The following ESS2 variants were observed in gnomAD, a reference collection of about 807,000 sequenced individuals.
ESS2 encodes splicing factor ESS-2 homolog.
ESS2 carries 31 observed loss-of-function variants against 52.0 expected under a neutral mutation model. The ratio of observed to expected loss-of-function variants is 0.60; its 90% CI spans 0.45 to 0.81. ESS2 has a LOEUF of 0.81. ESS2 is among the 30% of genes least tolerant of loss of function. The pLI is 0.00. For synonymous variants in ESS2, 285 were observed against 259.2 expected, an observed-to-expected ratio of 1.10 and a Z score of -0.95; for missense variants, 602 against 637.2, an observed-to-expected ratio of 0.94 and a Z score of 0.59.
intron 6 of ESS2, among the ~76,000 whole-genome samples, chr22:19,138,794 C>G (rs1364598787): frequency 6.6e-6 from 1 of 152,192 alleles, no homozygotes. Context: ...TCTGCCAACC[C>G]AGGGCCTGTC....
Position 19,131,807 on chromosome 22 carries a change from C to T in ESS2, c.*2389G>A. On this transcript the variant is annotated 3_prime_UTR_variant, in exon 10 of 10. Transcript: ENST00000252137. The surrounding 1 kb of genome is among the most constrained non-coding windows in gnomAD (Gnocchi z 5.7). ...ACGACCTGGACATCGTCCACCGGGA[C>T]CTCAAGTGCGAGAACCTTCTCCTCG... 1.2e-6 allele frequency: 2 copies of T among 1,614,194 alleles called. No homozygotes were observed. Among genetic ancestry groups the T allele is most frequent in the Non-Finnish European group, 1.7e-6 (2 of 1,180,036 alleles).
rs989850525 is a variant in ESS2, at chr22:19,137,497, A to G, written c.926-65T>C. 4.0e-6 allele frequency: 5 copies of G among 1,265,512 alleles called. No homozygotes were observed. The African/African-American group carries it at 7.5e-5, about 19-fold the overall frequency. The allele number at this position is 1,265,512 out of a possible 1,614,324, so 78.4% of individuals were successfully genotyped here. ...CTCCCCACCACCCTCCCCTCCAGTCACAGCTTGTTCACCCAATGTGCATCC... is the reference window on the plus strand; with the variant it reads ...CTCCCCACCACCCTCCCCTCCAGTCGCAGCTTGTTCACCCAATGTGCATCC... On this transcript the variant is annotated intron_variant, in intron 7 of 9. Transcript: ENST00000252137.
At chr22:19,134,576 C>A in intron 9 of ESS2, 101 bp from the exon 10 acceptor site, 10 of 1,279,854 alleles carry the variant, frequency 7.8e-6, no homozygotes, top group Non-Finnish European at 9.4e-6. Flanking sequence ...GGCAGAGACA[C>A]AGTCACTCTG....
At chr22:19,139,321 G>A in intron 5 of ESS2, 29 bp from the exon 6 acceptor site, 1 of 1,554,974 alleles carries the variant, frequency 6.4e-7, no homozygotes, top group Non-Finnish European at 8.7e-7. Context: ...GTAGCAGCAG[G>A]TGTCAGAAGG....
At chr22:19,134,916 T>C (rs2083555402) in intron 9 of ESS2, 144 bp downstream of exon 9, 4 of 679,308 alleles carry the variant, frequency 5.9e-6, no homozygotes, top group South Asian at 5.6e-5. Context: ...ATAGAGGAGC[T>C]GCCACAGTAC....
rs1395967101 is a variant in ESS2 at position 19,139,620 on chromosome 22, T to C, written c.680A>G (p.Tyr227Cys). 1 of 1,613,288 alleles carries C rather than the reference T, an allele frequency of 6.2e-7. No homozygotes were observed. The highest frequency in any genetic ancestry group is 8.5e-7 in the Non-Finnish European group (1 of 1,179,216). ...KYKAKNSLMY[Y>C]PEGVPDEEQL... ...CGAGGCCCGCCACTTACCCTCTGGATAGTACATGAGGGAATTCTTGGCCTT... is the reference window on the plus strand; with the variant it reads ...CGAGGCCCGCCACTTACCCTCTGGACAGTACATGAGGGAATTCTTGGCCTT... The change falls in exon 5 of 10, where the codon TAT (tyrosine) becomes TGT (cysteine). Residue 227 changes from tyrosine (Y) to cysteine (C), a missense_variant. Transcript: ENST00000252137.
rs762559654 is a variant in ESS2 at position 19,142,723 on chromosome 22, T to C, written c.304+3A>G. 1.2e-6 allele frequency: 2 copies of C among 1,613,494 alleles called. No individual in the cohort carries two copies. The highest frequency in any genetic ancestry group is 1.7e-6 in the Non-Finnish European group (2 of 1,179,670). On this transcript the variant is annotated splice_donor_region_variant and intron_variant, in intron 2 of 9. Coordinates refer to ENST00000252137, the MANE Select transcript of ESS2 (RefSeq NM_022719.3). ...CTCTCCGCCACCCACAGGGTCCTCATACAGGGTGGCGGGGGCTCCCGGGAC... is the reference window on the plus strand; with the variant it reads ...CTCTCCGCCACCCACAGGGTCCTCACACAGGGTGGCGGGGGCTCCCGGGAC...
At chr22:19,138,061 A>T in intron 7 of ESS2, 154 bp downstream of exon 7, 2 of 985,400 alleles carry the variant, frequency 2.0e-6, no homozygotes, top group Non-Finnish European at 2.4e-6. Context: ...CCTGGCCTCT[A>T]GGGCCTTGTA....
intron 8 of ESS2, among the ~76,000 whole-genome samples, chr22:19,135,394 A>C (rs1044614879): frequency 6.6e-6 from 1 of 152,118 alleles, no homozygotes; most frequent in Non-Finnish European, 1.5e-5. Context: ...TCCTCCCAAA[A>C]CCATGACCTC....
intron 1 of ESS2, chr22:19,144,175 C>T (rs1056460822): frequency 1.8e-6 from 2 of 1,104,700 alleles, no homozygotes; most frequent in African/African-American, 3.3e-5. Flanking sequence ...AGCATTCACA[C>T]TTGCTGCCAC....
intron 1 of ESS2, chr22:19,143,973 T>G (rs954500115): frequency 2.1e-6 from 2 of 944,366 alleles, no homozygotes; most frequent in Middle Eastern, 5.5e-4. Flanking sequence ...GCTGCATATC[T>G]GGGCACCCAA....
Position 19,131,211 on chromosome 22 carries a change from C to G in ESS2, c.*2985G>C. On this transcript the variant is annotated 3_prime_UTR_variant, in exon 10 of 10. Transcript: ENST00000252137. This position sits in a 1 kb window ranked among gnomAD's most constrained non-coding sequence, Gnocchi z 5.7. ...TCTCCCTCAGCCCAGTCCCCGCCCC[C>G]ACTCCTTGGCTTTATGAGTTCATTG... 3.4e-6 allele frequency: 2 copies of G among 590,758 alleles called. No individual in the cohort carries two copies. The highest frequency in any genetic ancestry group is 2.8e-5 in the East Asian group (1 of 35,228). The allele number at this position is 590,758 out of a possible 1,614,324, so 36.6% of individuals were successfully genotyped here.
chr22:19,136,179 T>C (rs537316795), intron 8 of ESS2, among the ~76,000 whole-genome samples: 6 of 152,026 alleles, frequency 3.9e-5, no homozygotes, highest in East Asian at 1.9e-4. Flanking sequence ...CTGGCCAACA[T>C]GGTGAAACCC....
rs765646825 is a variant in ESS2, at chr22:19,135,014, G to A, written c.1151+46C>T. 4 of 1,573,394 alleles carry A rather than the reference G, an allele frequency of 2.5e-6. No homozygotes were observed. The Admixed American group carries it at 6.7e-5, about 26-fold the overall frequency. On this transcript the variant is annotated intron_variant, in intron 9 of 9. Transcript: ENST00000252137. Reference sequence around the variant, plus strand: ...CAGGGCAGGGGCCGAACAGGAGCAGGCCAGAGCCACCCTCGCACTTCCCCA... The same window carrying A: ...CAGGGCAGGGGCCGAACAGGAGCAGACCAGAGCCACCCTCGCACTTCCCCA...
chr22:19,132,501 G>T lies in ESS2; in HGVS notation c.*1695C>A. The T allele has an allele frequency of 6.3e-7, 1 of 1,578,244 alleles. No homozygotes were observed. The highest frequency in any genetic ancestry group is 8.6e-7 in the Non-Finnish European group (1 of 1,159,018). The stretch of plus-strand genomic sequence containing the variant: ...GCATGACAATGGCCCCGTTGTGTGT[G>T]GTGGGGGTCGGGGTTGGGGGGCATG... On this transcript the variant is annotated 3_prime_UTR_variant, in exon 10 of 10. Transcript: ENST00000252137. The surrounding 1 kb of genome is among the most constrained non-coding windows in gnomAD (Gnocchi z 4.2).
chr22:19,141,659 T>C (rs2083688173), intron 3 of ESS2, among the ~76,000 whole-genome samples: 2 of 152,106 alleles, frequency 1.3e-5, no homozygotes, highest in South Asian at 4.1e-4. Flanking sequence ...GGATGCCAAT[T>C]AGGGAAAGAG....
In ESS2 at chr22:19,143,915, C is replaced by T. The variant is rs1339944165; in HGVS notation, c.135+591G>A. 3 of 363,816 alleles carry T rather than the reference C, an allele frequency of 8.2e-6. No individual in the cohort carries two copies. In the Admixed American group the frequency reaches 1.9e-4, roughly 23 times the overall value. The allele number at this position is 363,816 out of a possible 1,614,324, so 22.5% of individuals were successfully genotyped here. ...GAGTAACTTCAGCCAGTCACTACCACAAGTTGAGATTCCCAAGTCTGCACC... is the reference window on the plus strand; with the variant it reads ...GAGTAACTTCAGCCAGTCACTACCATAAGTTGAGATTCCCAAGTCTGCACC... On this transcript the variant is annotated intron_variant, in intron 1 of 9. Coordinates refer to ENST00000252137, the MANE Select transcript of ESS2 (RefSeq NM_022719.3).
At position 19,134,313 on chromosome 22, in the gene ESS2, G is replaced by C; in HGVS notation, c.1314C>G (p.Pro438=). Residue 438 remains proline, a synonymous_variant, in exon 10 of 10, where the codon CCC becomes CCG. Transcript: ENST00000252137. ...CAGAGCCAGGCGCCGGTGTGCTTGTGGGGGTCTGCAGCCCACTGGCCGGGG... is the reference window on the plus strand; with the variant it reads ...CAGAGCCAGGCGCCGGTGTGCTTGTCGGGGTCTGCAGCCCACTGGCCGGGG... The part of the protein sequence containing the change: ...LKTPASGLQT[P]TSTPAPGSAT... 1 of 1,608,962 alleles carries C rather than the reference G, an allele frequency of 6.2e-7. No individual in the cohort carries two copies. The highest frequency in any genetic ancestry group is 1.1e-5 in the South Asian group (1 of 90,622).
intron 8 of ESS2, among the ~76,000 whole-genome samples, chr22:19,136,159 C>T (rs1420411275): frequency 2.0e-5 from 3 of 151,682 alleles, no homozygotes; most frequent in Admixed American, 1.3e-4. Context: ...CCAAGGAGTT[C>T]GAGACCAGTC....
Sources: allele counts gnomAD v4.1 joint callset (sites outside exome capture counted in the v4.1 genomes callset), GRCh38; gene constraint gnomAD v4.1.1; non-coding constraint Gnocchi (gnomAD v3.1); transcripts MANE v1.5; gene names NCBI Gene and HGNC (gene_info 2026-07-23, HGNC 2026-07-21).